The following ESR1 variants were observed in gnomAD, a reference collection of about 807,000 sequenced individuals.
ESR1 encodes estrogen receptor.
ESR1 carries 12 observed loss-of-function variants against 52.7 expected under a neutral mutation model. That is an observed-to-expected ratio of 0.23 (90% CI 0.15 to 0.37). The LOEUF is 0.37. ESR1 is among the 10% of genes least tolerant of loss of function. ESR1 has a pLI of 1.00. For missense variants in ESR1, 584 were observed against 779.7 expected, an observed-to-expected ratio of 0.75 and a Z score of 2.99; for synonymous variants, 305 against 316.8, an observed-to-expected ratio of 0.96 and a Z score of 0.39.
intron 6 of ESR1, among the ~76,000 whole-genome samples, chr6:152,109,724 T>G (rs1025908635): frequency 6.6e-6 from 1 of 152,114 alleles, no homozygotes; most frequent in Non-Finnish European, 1.5e-5. Context: ...TTGCAATATT[T>G]GTGAATACCA....
intron 4 of ESR1, among the ~76,000 whole-genome samples, chr6:151,948,082 C>G (rs9383599): frequency 0.03 from 4,588 of 152,032 alleles, 193 homozygotes; most frequent in East Asian, 0.084. Context: ...AATGTAATAT[C>G]ATTGAGCTGA....
At chr6:152,006,900 C>T (rs1195879703) in intron 4 of ESR1, among the ~76,000 whole-genome samples, 1 of 152,008 alleles carries the variant, frequency 6.6e-6, no homozygotes, top group African/African-American at 2.4e-5. Context: ...AAATAGCACT[C>T]CTCAGGGAAA....
chr6:152,059,315 A>T (rs770979575), intron 5 of ESR1, among the ~76,000 whole-genome samples: 34 of 151,850 alleles, frequency 2.2e-4, no homozygotes, highest in Non-Finnish European at 3.1e-4. Context: ...TATATGTAAA[A>T]TTTTTTTATT....
intron 6 of ESR1, among the ~76,000 whole-genome samples, chr6:152,117,591 C>T (rs1411320383): frequency 6.6e-6 from 1 of 152,294 alleles, no homozygotes; most frequent in East Asian, 1.9e-4. Context: ...TATCCAAGTC[C>T]CAACCGGCTT....
intron 3 of ESR1, among the ~76,000 whole-genome samples, chr6:151,910,887 A>C (rs1236957657): frequency 6.6e-6 from 1 of 152,222 alleles, no homozygotes; most frequent in African/African-American, 2.4e-5. Context: ...CCTGGACGAC[A>C]GTATTTCCAT....
intron 6 of ESR1, among the ~76,000 whole-genome samples, chr6:152,086,445 A>G (rs1288840994): frequency 6.7e-6 from 1 of 149,004 alleles, no homozygotes; most frequent in East Asian, 1.9e-4. Context: ...ATATTTAAAT[A>G]AATATAATAT....
chr6:151,921,418 AGAGT>A lies in ESR1; in HGVS notation c.761-22752_761-22749del, dbSNP rs1274375132. On this transcript the variant is annotated intron_variant, in intron 3 of 7. Transcript: ENST00000206249. Reference sequence around the variant, plus strand: ...ATATGCATACATGTATCTTTGTAATAGAGTGATTTATATTTCACTGGGTATATAC... The same window carrying A: ...ATATGCATACATGTATCTTTGTAATAGATTTATATTTCACTGGGTATATAC... Among the ~76,000 whole-genome samples, 6 of 152,308 alleles carry A rather than the reference AGAGT, an allele frequency of 3.9e-5. No individual in the cohort carries two copies. The East Asian group carries it at 9.7e-4, about 25-fold the overall frequency.
intron 1 of ESR1, among the ~76,000 whole-genome samples, chr6:151,681,147 C>T (rs914388667): frequency 6.6e-6 from 1 of 152,214 alleles, no homozygotes; most frequent in Non-Finnish European, 1.5e-5. Flanking sequence ...ACCTACCTCT[C>T]TGGTCCCCAG....
chr6:151,696,585 G>C (rs1779368408), intron 1 of ESR1, among the ~76,000 whole-genome samples: 1 of 151,812 alleles, frequency 6.6e-6, no homozygotes, highest in Admixed American at 6.6e-5. Context: ...GGAAGTGCCT[G>C]GTACACACTG....
chr6:151,733,743 A>G (rs921038054), intron 2 of ESR1, among the ~76,000 whole-genome samples: 5 of 152,154 alleles, frequency 3.3e-5, no homozygotes, highest in African/African-American at 1.2e-4. Flanking sequence ...AATAGGTGAG[A>G]AAAAACAATG....
chr6:151,885,291 G>C (rs1793657441), intron 3 of ESR1, among the ~76,000 whole-genome samples: 2 of 152,084 alleles, frequency 1.3e-5, no homozygotes, highest in Admixed American at 1.3e-4. Flanking sequence ...GTGGAGACTG[G>C]GTTGCAAGAT....
At chr6:151,832,971 T>C (rs1343669587) in intron 1 of ESR1, among the ~76,000 whole-genome samples, 1 of 152,196 alleles carries the variant, frequency 6.6e-6, no homozygotes, top group Non-Finnish European at 1.5e-5. Flanking sequence ...AGTTATATGA[T>C]GATGATAAGG....
chr6:151,706,522 C>T (rs563256989), intron 2 of ESR1, among the ~76,000 whole-genome samples: 2 of 152,248 alleles, frequency 1.3e-5, no homozygotes, highest in Non-Finnish European at 2.9e-5. Flanking sequence ...GAAGCAGGCT[C>T]CACAGGGCCA....
intron 2 of ESR1, among the ~76,000 whole-genome samples, chr6:151,728,758 C>T (rs139466553): frequency 6.6e-6 from 1 of 152,266 alleles, no homozygotes; most frequent in East Asian, 1.9e-4. Flanking sequence ...TCTGATGGTG[C>T]CCTGGGCAGT....
rs1035437613 is a variant in ESR1 at position 151,835,345 on chromosome 6, A to T, written c.453-7252A>T. Among the ~76,000 whole-genome samples the T allele has an allele frequency of 3.9e-5, 6 of 152,274 alleles. 1 individual carries two copies. Among genetic ancestry groups the T allele is most frequent in the East Asian group, 1.9e-4 (1 of 5,176 alleles). On this transcript the variant is annotated intron_variant, in intron 1 of 7. Transcript: ENST00000206249. ...GGGAGGGGTGTGGGACAGCAGTTGG[A>T]TGTGGCAGAGATTCCACAAAGAGCA... is the stretch of plus-strand genomic sequence containing the variant.
chr6:152,073,902 ATTGT>A (rs561065936), intron 6 of ESR1, among the ~76,000 whole-genome samples: 11 of 151,900 alleles, frequency 7.2e-5, no homozygotes, highest in Non-Finnish European at 1.5e-4. Context: ...GTACTGAATC[ATTGT>A]TTTTCATTTT....
intron 1 of ESR1, among the ~76,000 whole-genome samples, chr6:151,698,853 T>A (rs1779563922): frequency 6.6e-6 from 1 of 152,158 alleles, no homozygotes. Context: ...CATGATAACA[T>A]TCAACAGGAA....
intron 2 of ESR1, among the ~76,000 whole-genome samples, chr6:151,858,755 G>A (rs760729702): frequency 5.3e-5 from 8 of 151,920 alleles, no homozygotes; most frequent in Non-Finnish European, 1.0e-4. Context: ...ACTATACCTG[G>A]ATTAGGGATC....
intron 1 of ESR1, among the ~76,000 whole-genome samples, chr6:151,695,647 T>C (rs1333485680): frequency 6.6e-6 from 1 of 152,202 alleles, no homozygotes; most frequent in Non-Finnish European, 1.5e-5. Context: ...AATGGTCTCA[T>C]TGGAATAATT....
Sources: gnomAD v4.1 joint callset for allele counts (sites outside exome capture counted in the v4.1 genomes callset) on GRCh38, gnomAD v4.1.1 for gene constraint, MANE v1.5 for transcripts, NCBI Gene and HGNC (gene_info 2026-07-23, HGNC 2026-07-21) for gene names.